DNAH14: variants seen among roughly 807,000 people sequenced by gnomAD.
DNAH14 encodes dynein axonemal heavy chain 14.
DNAH14 carries 478 observed loss-of-function variants against 520.9 expected under a neutral mutation model. The ratio of observed to expected loss-of-function variants is 0.92; its 90% CI spans 0.85 to 0.99. DNAH14 has a LOEUF of 0.99. Among genes scored for constraint, DNAH14 ranks in the 50% least tolerant of loss-of-function variants. The pLI is 0.00. For missense variants in DNAH14, 4,831 were observed against 5,234.5 expected (o/e 0.92, Z 2.38); for synonymous variants, 1,581 against 1,757.2 (o/e 0.90, Z 2.51).
chr1:225,348,609 T>C (rs1343693930), intron 71 of DNAH14, among the ~76,000 whole-genome samples: 1 of 152,154 alleles, frequency 6.6e-6, no homozygotes, highest in Non-Finnish European at 1.5e-5. Flanking sequence ...CAACCAATAA[T>C]ACTGTATGTG....
At chr1:225,336,315 A>G (rs1447004641) in intron 66 of DNAH14, among the ~76,000 whole-genome samples, 1 of 152,002 alleles carries the variant, frequency 6.6e-6, no homozygotes, top group African/African-American at 2.4e-5. Flanking sequence ...AGAATTTACC[A>G]TAGATTACAA....
chr1:225,350,993 TAACA>T (rs2095357195), intron 71 of DNAH14, among the ~76,000 whole-genome samples: 1 of 152,138 alleles, frequency 6.6e-6, no homozygotes, highest in Non-Finnish European at 1.5e-5. Flanking sequence ...AGCAAAATAC[TAACA>T]AACCAAATTC....
chr1:225,087,232 T>C (rs2073923887), intron 21 of DNAH14, among the ~76,000 whole-genome samples: 1 of 152,246 alleles, frequency 6.6e-6, no homozygotes, highest in Non-Finnish European at 1.5e-5. Flanking sequence ...GCTACATTAT[T>C]ATCCTATGGT....
intron 84 of DNAH14, among the ~76,000 whole-genome samples, chr1:225,394,711 G>A (rs1354272801): frequency 6.6e-6 from 1 of 152,118 alleles, no homozygotes; most frequent in Non-Finnish European, 1.5e-5. Flanking sequence ...AGGTTGGGTG[G>A]TGCGCATGTG....
At chr1:224,980,339 C>A (rs987186527) in intron 8 of DNAH14, among the ~76,000 whole-genome samples, 2 of 152,124 alleles carry the variant, frequency 1.3e-5, no homozygotes, top group African/African-American at 4.8e-5. Context: ...TCAGTGGTAG[C>A]CTGGAAGGTA....
chr1:225,053,881 C>G (rs1182552093), intron 17 of DNAH14, among the ~76,000 whole-genome samples: 1 of 152,076 alleles, frequency 6.6e-6, no homozygotes, highest in African/African-American at 2.4e-5. Context: ...TGATCAGAAA[C>G]AAGTGGTTGT....
Position 225,346,352 on chromosome 1 carries a change from T to C in DNAH14, c.11069T>C (p.Ile3690Thr), listed in dbSNP as rs546921108. ...TTAGATAAGCATATTAAAAGTGCAA[T>C]AGACATGTTGACAAAAAGTATTTTT... ...NLLDKHIKSA[I>T]DMLTKSIFKV... Residue 3690 changes from isoleucine (I) to threonine (T), a missense_variant, in exon 70 of 86, where the codon ATA (isoleucine) becomes ACA (threonine). Physicochemically the swap from Ile to Thr is moderately conservative, Grantham distance 89. Transcript: ENST00000682510. The C allele has an allele frequency of 2.0e-5, 30 of 1,528,426 alleles. No individual in the cohort carries two copies. The highest frequency in any genetic ancestry group is 9.8e-5 in the African/African-American group (7 of 71,396). The allele number at this position is 1,528,426 out of a possible 1,614,324, so 94.7% of individuals were successfully genotyped here.
rs185160265 is a variant in DNAH14, at chr1:225,086,530, T to C, written c.3573+741T>C. On this transcript the variant is annotated intron_variant, in intron 21 of 85. Coordinates refer to ENST00000682510, the MANE Select transcript of DNAH14 (RefSeq NM_001367479.1). Reference sequence around the variant, plus strand: ...ATTAACATAATCATATACACACACATATATATACATGCATCTATATAAATA... The same window carrying C: ...ATTAACATAATCATATACACACACACATATATACATGCATCTATATAAATA... Among the ~76,000 whole-genome samples, 779 of 152,030 alleles carry C rather than the reference T, an allele frequency of 5.1e-3. 5 individuals carry two copies. The highest frequency in any genetic ancestry group is 0.018 in the African/African-American group (733 of 41,448).
rs778980313 is a variant in DNAH14, at chr1:224,952,694, G to GA, written c.-4dup. On this transcript the variant is annotated 5_prime_UTR_variant, in exon 2 of 86. Coordinates refer to ENST00000682510, the MANE Select transcript of DNAH14 (RefSeq NM_001367479.1). ...GCCAGTTCCTTTATAGTTTTGTTCA[G>GA]AAAAACATATGGAGACGTTTATACC... 1 of 1,566,866 alleles carries GA rather than the reference G, an allele frequency of 6.4e-7. No individual in the cohort carries two copies. Among genetic ancestry groups the GA allele is most frequent in the East Asian group, 2.3e-5 (1 of 43,950 alleles).
At chr1:224,935,417 A>G (rs1461738588) in intron 1 of DNAH14, among the ~76,000 whole-genome samples, 2 of 151,946 alleles carry the variant, frequency 1.3e-5, no homozygotes, top group African/African-American at 4.8e-5. Context: ...ATGGAAGCCA[A>G]AAGGGAGTAG....
chr1:225,125,366 A>G (rs2077635285), intron 27 of DNAH14, among the ~76,000 whole-genome samples: 1 of 152,210 alleles, frequency 6.6e-6, no homozygotes, highest in African/African-American at 2.4e-5. Context: ...ATCTACCTTG[A>G]AAATCTGTTG....
At chr1:225,275,301 T>C (rs2093439926) in intron 52 of DNAH14, among the ~76,000 whole-genome samples, 1 of 152,158 alleles carries the variant, frequency 6.6e-6, no homozygotes, top group African/African-American at 2.4e-5. Context: ...CATTACAACC[T>C]AAGAAGTGCA....
At chr1:225,236,681 G>A (rs986602280) in intron 42 of DNAH14, among the ~76,000 whole-genome samples, 2 of 152,126 alleles carry the variant, frequency 1.3e-5, no homozygotes, top group African/African-American at 2.4e-5. Flanking sequence ...AGCTCTTCTT[G>A]TCAAATTGAA....
intron 7 of DNAH14, among the ~76,000 whole-genome samples, chr1:224,970,794 CATGTTGTTCAAGAGTCAACT>C (rs1190405097): frequency 3.9e-5 from 6 of 152,064 alleles, no homozygotes; most frequent in Non-Finnish European, 7.4e-5. Context: ...CGTTCAAACC[CATGTTGTTCAAGAGTCAACT>C]ATGTTGACTT....
chr1:225,199,763 T>C (rs2086582441), intron 38 of DNAH14, among the ~76,000 whole-genome samples: 1 of 152,232 alleles, frequency 6.6e-6, no homozygotes, highest in Non-Finnish European at 1.5e-5. Flanking sequence ...TCTCATATTG[T>C]CTATCTTGGA....
At position 225,147,097 on chromosome 1, in the gene DNAH14, TTA is replaced by T; in HGVS notation, c.4795-6_4795-5del. On this transcript the variant is annotated splice_polypyrimidine_tract_variant and splice_region_variant and intron_variant, in intron 30 of 85. Coordinates refer to ENST00000682510, the MANE Select transcript of DNAH14 (RefSeq NM_001367479.1). ...TTTAGTAATCAATCTCTTTTTTTTT[TTA>T]AAAGATAGTGAGAAAATTTTTCTTT... is the stretch of plus-strand genomic sequence containing the variant. The T allele has an allele frequency of 1.3e-6, 2 of 1,498,552 alleles. No individual in the cohort carries two copies. The highest frequency in any genetic ancestry group is 2.9e-5 in the African/African-American group (2 of 70,130). The allele number at this position is 1,498,552 out of a possible 1,614,324, so 92.8% of individuals were successfully genotyped here.
intron 32 of DNAH14, 61 bp downstream of exon 32, chr1:225,152,134 T>C (rs371572162): frequency 1.4e-6 from 2 of 1,411,210 alleles, no homozygotes; most frequent in Non-Finnish European, 1.9e-6. Context: ...TTAAATCTTA[T>C]CTACAGATGG....
chr1:225,338,037 AT>A, intron 67 of DNAH14, 23 bp from the exon 68 acceptor site: 1 of 1,469,332 alleles, frequency 6.8e-7, no homozygotes, highest in Non-Finnish European at 9.0e-7. Context: ...GATTTTTCTT[AT>A]TTTTGTCTAT....
At chr1:225,222,816 G>A (rs1422300429) in intron 41 of DNAH14, among the ~76,000 whole-genome samples, 1 of 152,178 alleles carries the variant, frequency 6.6e-6, no homozygotes, top group African/African-American at 2.4e-5. Context: ...AATGCAAACT[G>A]TTGTGTCCCA....
Sources: allele counts gnomAD v4.1 joint callset (sites outside exome capture counted in the v4.1 genomes callset), GRCh38; gene constraint gnomAD v4.1.1; transcripts MANE v1.5; gene names NCBI Gene and HGNC (gene_info 2026-07-23, HGNC 2026-07-21).